The following NSUN6 variants were observed in gnomAD, a reference collection of about 807,000 sequenced individuals.
The protein encoded by NSUN6 is tRNA (cytosine(72)-C(5))-methyltransferase NSUN6.
In NSUN6, 64 loss-of-function variants were observed where a neutral mutation model predicts 58.0. The observed-to-expected ratio is 1.10, with a 90% CI of 0.90 to 1.36. The LOEUF (loss-of-function observed/expected upper bound fraction) is 1.36. NSUN6 is among the 40% of genes most tolerant of loss of function. The pLI, the probability that NSUN6 is intolerant of heterozygous loss-of-function variation, is 0.00. For synonymous variants in NSUN6, 231 were observed against 193.9 expected (o/e 1.19, Z -1.59); for missense variants, 701 against 550.1 (o/e 1.27, Z -2.74).
rs190676749 is a variant in NSUN6, at chr10:18,555,772, G to A, written c.923-3801C>T. On this transcript the variant is annotated intron_variant, in intron 8 of 10. Transcript: ENST00000377304. ...AATAGAATGGAGAATGGAAAAGAGC[G>A]GAATGGAATGGAGAATGGAATGGAA... is the stretch of plus-strand genomic sequence containing the variant. Among the ~76,000 whole-genome samples the A allele has an allele frequency of 2.2e-3, 336 of 149,914 alleles. 4 individuals carry two copies. Among genetic ancestry groups the A allele is most frequent in the African/African-American group, 7.3e-3 (300 of 40,838 alleles).
chr10:18,640,059 T>C (rs2059344592), intron 3 of NSUN6, among the ~76,000 whole-genome samples: 1 of 152,220 alleles, frequency 6.6e-6, no homozygotes, highest in South Asian at 2.1e-4. Context: ...CTAAGCTAAA[T>C]GATAAAATAT....
intron 6 of NSUN6, among the ~76,000 whole-genome samples, chr10:18,604,576 T>C (rs560066536): frequency 1.8e-4 from 27 of 152,166 alleles, no homozygotes; most frequent in African/African-American, 6.3e-4. Flanking sequence ...AGATTTTTAT[T>C]ATATTTGTAC....
intron 7 of NSUN6, among the ~76,000 whole-genome samples, chr10:18,587,590 C>G (rs966610874): frequency 2.6e-5 from 4 of 152,028 alleles, no homozygotes; most frequent in Non-Finnish European, 4.4e-5. Flanking sequence ...CTGAGGTACC[C>G]AGTTCATCTC....
intron 3 of NSUN6, among the ~76,000 whole-genome samples, chr10:18,621,654 C>A (rs1055565534): frequency 6.6e-6 from 1 of 152,030 alleles, no homozygotes; most frequent in African/African-American, 2.4e-5. Context: ...TACGTTCCAA[C>A]AGTTTAGTAA....
At chr10:18,648,411 C>A in intron 2 of NSUN6, 79 bp downstream of exon 2, 1 of 876,222 alleles carries the variant, frequency 1.1e-6, no homozygotes, top group Admixed American at 2.1e-5. Context: ...TGTATTATAT[C>A]ATTCATAGGA....
At chr10:18,604,751 T>A (rs555495203) in intron 6 of NSUN6, among the ~76,000 whole-genome samples, 2 of 151,766 alleles carry the variant, frequency 1.3e-5, no homozygotes, top group Admixed American at 1.3e-4. Context: ...CTGGGTGTAG[T>A]GACGCATGCC....
chr10:18,562,422 T>C (rs1589863530), intron 8 of NSUN6, among the ~76,000 whole-genome samples: 1 of 148,774 alleles, frequency 6.7e-6, no homozygotes, highest in African/African-American at 2.5e-5. Context: ...GAATGGAGAA[T>C]GGAATGGAAT....
rs778352211 is a variant in NSUN6, at chr10:18,546,055, G to A, written c.1288C>T (p.Pro430Ser). The change falls in exon 11 of 11, where the codon CCA becomes TCA. Residue 430 changes from proline (P) to serine (S), a missense_variant. Pro to Ser is a moderately conservative substitution (Grantham distance 74, BLOSUM62 -1). Transcript: ENST00000377304. ...GAGTCCATGTCAGTGTCCGGTAATG[G>A]CACAGCCGATGGATCAAATCGCTGC... ...QLQRFDPSAV[P>S]LPDTDMDSLR... 1.2e-6 allele frequency: 2 copies of A among 1,604,366 alleles called. No individual in the cohort carries two copies. Among genetic ancestry groups the A allele is most frequent in the East Asian group, 2.2e-5 (1 of 44,810 alleles).
At chr10:18,630,218 C>T (rs2058978111) in intron 3 of NSUN6, among the ~76,000 whole-genome samples, 1 of 147,904 alleles carries the variant, frequency 6.8e-6, no homozygotes, top group Non-Finnish European at 1.5e-5. Context: ...AGAACAAAGA[C>T]ACAACATACC....
chr10:18,564,280 A>G (rs568052929), intron 8 of NSUN6, among the ~76,000 whole-genome samples: 17 of 148,096 alleles, frequency 1.1e-4, no homozygotes, highest in Admixed American at 4.1e-4. Flanking sequence ...ACTCCACTGC[A>G]TTCTCTATTC....
At chr10:18,572,290 T>C (rs1238287565) in intron 8 of NSUN6, among the ~76,000 whole-genome samples, 4 of 151,514 alleles carry the variant, frequency 2.6e-5, no homozygotes, top group Non-Finnish European at 4.4e-5. Context: ...CCATTCTCCA[T>C]TTCATTCCAC....
intron 3 of NSUN6, among the ~76,000 whole-genome samples, chr10:18,618,285 A>G (rs189564082): frequency 1.3e-5 from 2 of 152,262 alleles, no homozygotes; most frequent in Non-Finnish European, 2.9e-5. Flanking sequence ...TCAAGCTCAC[A>G]CTTCTTAAAT....
intron 6 of NSUN6, among the ~76,000 whole-genome samples, chr10:18,606,679 A>G (rs1164715943): frequency 6.6e-6 from 1 of 152,196 alleles, no homozygotes; most frequent in African/African-American, 2.4e-5. Context: ...GCAAATCTAT[A>G]ATTCTAAAAT....
chr10:18,559,947 A>T (rs1196359739), intron 8 of NSUN6, among the ~76,000 whole-genome samples: 4 of 150,886 alleles, frequency 2.7e-5, no homozygotes, highest in African/African-American at 9.7e-5. Flanking sequence ...ATGGACTGGA[A>T]TGGAATAGAG....
At chr10:18,570,922 ACATT>A (rs1045357150) in intron 8 of NSUN6, among the ~76,000 whole-genome samples, 1 of 145,216 alleles carries the variant, frequency 6.9e-6, no homozygotes, top group Non-Finnish European at 1.5e-5. Flanking sequence ...ATTCCATTCT[ACATT>A]CAATTACATT....
intron 3 of NSUN6, among the ~76,000 whole-genome samples, chr10:18,636,358 T>TAAA (rs533141020): frequency 2.7e-4 from 35 of 129,134 alleles, no homozygotes; most frequent in Non-Finnish European, 3.2e-4. Context: ...TTGACAATGT[T>TAAA]AAAAAAAAAA....
chr10:18,625,732 A>T (rs1430458031), intron 3 of NSUN6, among the ~76,000 whole-genome samples: 1 of 148,862 alleles, frequency 6.7e-6, no homozygotes, highest in African/African-American at 2.5e-5. Flanking sequence ...AAAAAAAAAA[A>T]AAAAAAAAAA....
rs931600287 is a variant in NSUN6, at chr10:18,614,685, A to G, written c.422-72T>C. The G allele has an allele frequency of 2.3e-5, 17 of 737,870 alleles. No homozygotes were observed. In the Admixed American group the frequency reaches 3.8e-4, roughly 17 times the overall value. The allele number at this position is 737,870 out of a possible 1,614,324, so 45.7% of individuals were successfully genotyped here. ...AAGAATCGTGAAAATTATTTGAGCT[A>G]GATCGGTGATCTCTAGAGGCATCAA... On this transcript the variant is annotated intron_variant, in intron 4 of 10. Transcript: ENST00000377304.
At position 18,554,253 on chromosome 10, in the gene NSUN6, GAGAATGGAATGGAATGTAGAAAGA is replaced by G; in HGVS notation, c.923-2306_923-2283del. 2.0e-5 allele frequency among the ~76,000 whole-genome samples: 3 copies of G among 151,118 alleles called. No homozygotes were observed. The Middle Eastern group carries it at 0.01, about 518-fold the overall frequency. On this transcript the variant is annotated intron_variant, in intron 8 of 10. Transcript: ENST00000377304. Reference sequence around the variant, plus strand: ...CTGGAGACTGGAAGGGAATGGAAAGGAGAATGGAATGGAATGTAGAAAGAAGAATGGAATGGAATGGAGAACAGA... The same window carrying G: ...CTGGAGACTGGAAGGGAATGGAAAGGAGAATGGAATGGAATGGAGAACAGA...
Sources: gnomAD v4.1 joint callset for allele counts (sites outside exome capture counted in the v4.1 genomes callset) on GRCh38, gnomAD v4.1.1 for gene constraint, MANE v1.5 for transcripts, NCBI Gene and HGNC (gene_info 2026-07-23, HGNC 2026-07-21) for gene names.